Variants in ANTXRL observed in about 807,000 individuals in gnomAD.
ANTXRL encodes ANTXR like, also known as anthrax toxin receptor-like.
ANTXRL carries 63 observed loss-of-function variants against 75.4 expected under a neutral mutation model. The ratio of observed to expected loss-of-function variants is 0.84; its 90% confidence interval spans 0.68 to 1.03. The LOEUF is 1.03. Among genes scored for constraint, ANTXRL ranks in the 50% least tolerant of loss-of-function variants. ANTXRL has a pLI of 0.00. For synonymous variants in ANTXRL, 335 were observed against 291.3 expected, an observed-to-expected ratio of 1.15 and a Z score of -1.53; for missense variants, 797 against 789.4, an observed-to-expected ratio of 1.01 and a Z score of -0.12.
Position 46,287,243 on chromosome 10 carries a change from G to C in ANTXRL, c.-20G>C. The C allele has an allele frequency of 6.5e-7, 1 of 1,534,566 alleles. No individual in the cohort carries two copies. Among genetic ancestry groups the C allele is most frequent in the East Asian group, 2.4e-5 (1 of 40,912 alleles). On this transcript the variant is annotated 5_prime_UTR_variant, in exon 1 of 17. Coordinates refer to ENST00000620264, the MANE Select transcript of ANTXRL (RefSeq NM_001278688.3). ...CACAGGCACCCAAGAGTGAGGTGGG[G>C]TCACAGGGACAGCCAGATAATGGGG...
intron 1 of ANTXRL, among the ~76,000 whole-genome samples, 164 bp downstream of exon 1, chr10:46,287,674 A>G (rs1205916447): frequency 1.3e-5 from 2 of 152,144 alleles, no homozygotes; most frequent in South Asian, 4.1e-4. Flanking sequence ...TGAGGCAGAA[A>G]GAATGCCCTG....
At chr10:46,293,930 G>T (rs1554957723) in intron 3 of ANTXRL, 30 bp downstream of exon 3, 2 of 1,532,052 alleles carry the variant, frequency 1.3e-6, no homozygotes, top group East Asian at 4.9e-5. Flanking sequence ...CCAAAGGGAG[G>T]CCTGATGAGC....
chr10:46,311,980 G>T (rs180902186), intron 15 of ANTXRL, among the ~76,000 whole-genome samples: 2 of 147,032 alleles, frequency 1.4e-5, no homozygotes, highest in Middle Eastern at 3.3e-3. Context: ...TCCCACAGGG[G>T]TGCCTCAGCT....
At chr10:46,291,164 T>G (rs1407939310) in intron 1 of ANTXRL, among the ~76,000 whole-genome samples, 10 of 152,198 alleles carry the variant, frequency 6.6e-5, no homozygotes, top group African/African-American at 2.4e-4. Flanking sequence ...CAATTTTCCC[T>G]GCACCATTTC....
At chr10:46,293,737 A>G (rs41284475) in intron 2 of ANTXRL, 92 bp from the exon 3 acceptor site, 192,224 of 1,039,360 alleles carry the variant, frequency 0.18, 13,636 homozygotes, top group Non-Finnish European at 0.2. Flanking sequence ...CCAAAGCGGA[A>G]GAGTTGGGGT....
At chr10:46,287,647 T>C in intron 1 of ANTXRL, 137 bp downstream of exon 1, 1 of 1,177,820 alleles carries the variant, frequency 8.5e-7, no homozygotes, top group Non-Finnish European at 1.1e-6. Context: ...AGACCAGACC[T>C]AGGCCTCCTG....
At chr10:46,314,142 G>C (rs1429835131) in intron 16 of ANTXRL, among the ~76,000 whole-genome samples, 2 of 152,204 alleles carry the variant, frequency 1.3e-5, no homozygotes, top group African/African-American at 2.4e-5. Context: ...TGGCCAGGTG[G>C]CTGTGCATGG....
At chr10:46,306,742 A>G (rs782603152) in intron 10 of ANTXRL, 61 bp from the exon 11 acceptor site, 30 of 1,393,716 alleles carry the variant, frequency 2.2e-5, no homozygotes, top group Non-Finnish European at 2.8e-5. Context: ...GAGGACAGAC[A>G]TGGGGAGGAA....
At chr10:46,287,605 T>C (rs1836817782) in intron 1 of ANTXRL, 95 bp downstream of exon 1, 11 of 1,438,180 alleles carry the variant, frequency 7.6e-6, no homozygotes, top group Non-Finnish European at 1.0e-5. Flanking sequence ...AGATGCAAGC[T>C]TCCGTCACAG....
chr10:46,316,658 G>T (rs1838741610), intron 16 of ANTXRL, among the ~76,000 whole-genome samples: 1 of 152,138 alleles, frequency 6.6e-6, no homozygotes, highest in South Asian at 2.1e-4. Flanking sequence ...CCCATGTCCT[G>T]CTGTCAGAGT....
intron 9 of ANTXRL, among the ~76,000 whole-genome samples, chr10:46,298,393 T>G (rs1837516778): frequency 6.6e-6 from 1 of 151,510 alleles, no homozygotes; most frequent in South Asian, 2.1e-4. Flanking sequence ...GTGAGTGTGG[T>G]GTGTGTGGGG....
At chr10:46,305,504 A>G (rs1554961656) in intron 10 of ANTXRL, among the ~76,000 whole-genome samples, 1 of 152,166 alleles carries the variant, frequency 6.6e-6, no homozygotes, top group African/African-American at 2.4e-5. Flanking sequence ...CTTGGCAAAA[A>G]AGTCAATACC....
At chr10:46,326,790 T>A (rs1452147345) in intron 16 of ANTXRL, among the ~76,000 whole-genome samples, 2 of 152,108 alleles carry the variant, frequency 1.3e-5, no homozygotes, top group African/African-American at 4.8e-5. Flanking sequence ...GTGCTGAACC[T>A]TCTTGAGCCC....
rs74129852 is a variant in ANTXRL, at chr10:46,304,839, C to T, written c.896-1964C>T. 7.1e-3 allele frequency among the ~76,000 whole-genome samples: 1,073 copies of T among 152,152 alleles called. 23 individuals carry two copies. Among genetic ancestry groups the T allele is most frequent in the African/African-American group, 0.024 (1,008 of 41,448 alleles). The stretch of plus-strand genomic sequence containing the variant: ...GTGGCAGCTCCTGGGAAAGGGGGTA[C>T]CCAGCCTACCTCCGTGAGTGGCATT... On this transcript the variant is annotated intron_variant, in intron 10 of 16. Transcript: ENST00000620264.
At chr10:46,302,853 T>G in intron 10 of ANTXRL, 33 bp downstream of exon 10, 1 of 1,440,964 alleles carries the variant, frequency 6.9e-7, no homozygotes, top group Non-Finnish European at 9.4e-7. Context: ...CTGAGTCACG[T>G]ATTTCCCACA....
rs184180184 is a variant in ANTXRL at position 46,298,006 on chromosome 10, C to T, written c.740C>T (p.Thr247Met). ...CCCACCCCTCCTGTGTTCCAGCTCA[C>T]GTCAAAGGTCTGTCTTGATGTGACA... ...KALRSTIDAL[T>M]SKVCLDVTSV... Residue 247 changes from threonine (T) to methionine (M), a missense_variant, in exon 9 of 17, where the codon ACG becomes ATG. Transcript: ENST00000620264. 7.7e-4 allele frequency: 1,185 copies of T among 1,535,862 alleles called. 1 individual carries two copies. Among genetic ancestry groups the T allele is most frequent in the East Asian group, 6.8e-3 (280 of 40,904 alleles).
intron 2 of ANTXRL, chr10:46,292,878 G>C (rs1284262845): frequency 6.5e-6 from 1 of 152,930 alleles, no homozygotes; most frequent in African/African-American, 2.4e-5. Context: ...CAGCACTGTC[G>C]CTGAGGGCCA....
At chr10:46,295,756 TC>T (rs1467875306) in intron 3 of ANTXRL, among the ~76,000 whole-genome samples, 2 of 152,122 alleles carry the variant, frequency 1.3e-5, no homozygotes, top group Non-Finnish European at 2.9e-5. Context: ...CATGGGAAAC[TC>T]CTACTGTCAC....
chr10:46,323,724 G>C (rs1839085129), intron 16 of ANTXRL, among the ~76,000 whole-genome samples: 1 of 152,108 alleles, frequency 6.6e-6, no homozygotes, highest in Admixed American at 6.6e-5. Context: ...TCTAATACCT[G>C]ATTGTTGTGT....
Sources: gnomAD v4.1 joint callset for allele counts (sites outside exome capture counted in the v4.1 genomes callset) on GRCh38, gnomAD v4.1.1 for gene constraint, MANE v1.5 for transcripts, NCBI Gene and HGNC (gene_info 2026-07-23, HGNC 2026-07-21) for gene names.